The following ARGFX variants were observed in gnomAD, a reference collection of about 807,000 sequenced individuals.
ARGFX encodes arginine-fifty homeobox.
ARGFX carries 10 observed loss-of-function variants against 8.0 expected under a neutral mutation model. The ratio of observed to expected loss-of-function variants is 1.25; its 90% CI spans 0.77 to 2.12. The LOEUF is 2.12. Among genes scored for constraint, ARGFX ranks in the 30% most tolerant of loss-of-function variants. The probability of loss-of-function intolerance (pLI) is 0.00; values close to 1 mark genes in which losing one functional copy is unlikely to be tolerated. For synonymous variants in ARGFX, 116 were observed against 117.8 expected (o/e 0.98, Z 0.10); for missense variants, 282 against 324.3 (o/e 0.87, Z 1.00).
At chr3:121,568,152 T>TC (rs1372035840) in intron 1 of ARGFX, among the ~76,000 whole-genome samples, 139 bp downstream of exon 1, 15 of 152,038 alleles carry the variant, frequency 9.9e-5, no homozygotes, top group Non-Finnish European at 1.8e-4. Flanking sequence ...ATATAGATGG[T>TC]TGGGGACAGA....
At chr3:121,570,602 G>T in intron 1 of ARGFX, 100 bp from the exon 2 acceptor site, 1 of 627,648 alleles carries the variant, frequency 1.6e-6, no homozygotes, top group Non-Finnish European at 2.7e-6. Flanking sequence ...AACCTCACTT[G>T]CCAGAGGTCA....
At chr3:121,575,912 CA>C (rs1258223867) in intron 2 of ARGFX, among the ~76,000 whole-genome samples, 1 of 86,818 alleles carries the variant, frequency 1.2e-5, no homozygotes, top group Non-Finnish European at 2.5e-5. Flanking sequence ...GACTCTGTCT[CA>C]AACATTAAAA....
rs951964853 is a variant in ARGFX at position 121,589,395 on chromosome 3, A to C, written c.*2795A>C. Among the ~76,000 whole-genome samples, 6 of 152,068 alleles carry C rather than the reference A, an allele frequency of 3.9e-5. No homozygotes were observed. The highest frequency in any genetic ancestry group is 1.4e-4 in the African/African-American group (6 of 41,394). On this transcript the variant is annotated 3_prime_UTR_variant, in exon 5 of 5. Coordinates refer to ENST00000334384, the MANE Select transcript of ARGFX (RefSeq NM_001012659.2). ...TCTGTCAAATTAAACTTCAAGGCAA[A>C]ACTTTTTTATTGAGATGGAGTCTTG... is the stretch of plus-strand genomic sequence containing the variant.
Position 121,584,975 on chromosome 3 carries a change from A to G in ARGFX, c.279A>G (p.Leu93=). The G allele has an allele frequency of 6.2e-7, 1 of 1,614,012 alleles. No individual in the cohort carries two copies. The highest frequency in any genetic ancestry group is 1.1e-5 in the South Asian group (1 of 90,974). ...TSFTHQQYEE[L]EALFSQTMFP... is the part of the protein sequence containing the mutation. ...TCACCCACCAACAGTATGAGGAGCT[A>G]GAAGCTCTGTTTAGCCAGACCATGT... Residue 93 remains leucine (L), a synonymous_variant, in exon 4 of 5, where the codon CTA becomes CTG. Transcript: ENST00000334384.
At chr3:121,579,561 G>A (rs1169950177) in intron 3 of ARGFX, among the ~76,000 whole-genome samples, 3 of 152,298 alleles carry the variant, frequency 2.0e-5, no homozygotes, top group Admixed American at 2.0e-4. Context: ...CCTCTCTGTA[G>A]TCTGTATCTC....
intron 3 of ARGFX, among the ~76,000 whole-genome samples, chr3:121,581,156 T>C (rs560330121): frequency 6.6e-5 from 10 of 152,148 alleles, no homozygotes; most frequent in South Asian, 4.2e-4. Flanking sequence ...TTAGTAAAGA[T>C]GGGGTTTCGC....
chr3:121,581,116 C>T (rs1256335202), intron 3 of ARGFX, among the ~76,000 whole-genome samples: 1 of 152,054 alleles, frequency 6.6e-6, no homozygotes, highest in Non-Finnish European at 1.5e-5. Flanking sequence ...TACAGGCACA[C>T]ATCACCACTC....
At chr3:121,577,483 A>T (rs1057289779) in intron 3 of ARGFX, among the ~76,000 whole-genome samples, 2 of 151,344 alleles carry the variant, frequency 1.3e-5, no homozygotes, top group Non-Finnish European at 2.9e-5. Context: ...TGAACTCGTG[A>T]CCTCAAGTGA....
At chr3:121,575,185 T>C (rs2048729145) in intron 2 of ARGFX, among the ~76,000 whole-genome samples, 1 of 152,064 alleles carries the variant, frequency 6.6e-6, no homozygotes. Flanking sequence ...CTGAGCGTGG[T>C]GGCGTGTGCC....
At chr3:121,572,403 G>A (rs979544524) in intron 2 of ARGFX, among the ~76,000 whole-genome samples, 10 of 151,498 alleles carry the variant, frequency 6.6e-5, no homozygotes, top group East Asian at 3.9e-4. Flanking sequence ...TACCACACCC[G>A]GCTAATTTTT....
chr3:121,587,747 C>G lies in ARGFX; in HGVS notation c.*1147C>G, dbSNP rs559017347. 6.6e-6 allele frequency among the ~76,000 whole-genome samples: 1 copy of G among 152,124 alleles called. No homozygotes were observed. The highest frequency in any genetic ancestry group is 1.5e-5 in the Non-Finnish European group (1 of 68,014). ...CATCTTGGCTCACTGCAGCCTCTGC[C>G]TCCTGGGCTCAAACAGTCCTCCCAC... On this transcript the variant is annotated 3_prime_UTR_variant, in exon 5 of 5. Coordinates refer to ENST00000334384, the MANE Select transcript of ARGFX (RefSeq NM_001012659.2).
intron 3 of ARGFX, among the ~76,000 whole-genome samples, chr3:121,579,945 C>CTTTTTTTTTTTTTTTTTTTTTTTTTTTT (rs1174620508): frequency 9.8e-5 from 9 of 91,576 alleles, no homozygotes; most frequent in South Asian, 3.5e-4. Context: ...CTTTTCTTTT[C>CTTTTTTTTTTTTTTTTTTTTTTTTTTTT]TTTTTTTTTT....
intron 2 of ARGFX, among the ~76,000 whole-genome samples, chr3:121,571,952 C>T (rs71618068): frequency 0.24 from 35,663 of 151,236 alleles, 4,870 homozygotes; most frequent in Admixed American, 0.4. Context: ...CCTCAGCCTC[C>T]CGAGTAGCTG....
chr3:121,581,445 A>G (rs1356224736), intron 3 of ARGFX, among the ~76,000 whole-genome samples: 2 of 152,204 alleles, frequency 1.3e-5, no homozygotes, highest in African/African-American at 2.4e-5. Flanking sequence ...TACACTTTGC[A>G]TATCTCAGTC....
chr3:121,573,558 T>C (rs1276549358), intron 2 of ARGFX, among the ~76,000 whole-genome samples: 3 of 148,796 alleles, frequency 2.0e-5, no homozygotes, highest in Non-Finnish European at 4.5e-5. Flanking sequence ...TAATAAGGGG[T>C]TAATAGCTAT....
chr3:121,577,250 TATATATATA>T (rs1332281332), intron 3 of ARGFX, among the ~76,000 whole-genome samples: 5 of 55,308 alleles, frequency 9.0e-5, no homozygotes, highest in East Asian at 6.4e-4. Flanking sequence ...TATATATATA[TATATATATA>T]TTTTTTTTTT....
At chr3:121,581,246 T>G (rs2048778524) in intron 3 of ARGFX, among the ~76,000 whole-genome samples, 1 of 152,184 alleles carries the variant, frequency 6.6e-6, no homozygotes, top group South Asian at 2.1e-4. Context: ...TGAGCCACCA[T>G]GCCTGGCCAA....
At chr3:121,571,859 G>T (rs945452252) in intron 2 of ARGFX, among the ~76,000 whole-genome samples, 3 of 150,024 alleles carry the variant, frequency 2.0e-5, no homozygotes, top group Non-Finnish European at 4.4e-5. Flanking sequence ...TGGAGTTTCC[G>T]CTCTTGTTGC....
At chr3:121,582,162 T>C (rs2108838219) in intron 3 of ARGFX, among the ~76,000 whole-genome samples, 1 of 152,286 alleles carries the variant, frequency 6.6e-6, no homozygotes, top group South Asian at 2.1e-4. Flanking sequence ...AGTTAGGTTA[T>C]GGAAGTCACA....
Sources: allele counts gnomAD v4.1 joint callset (sites outside exome capture counted in the v4.1 genomes callset), GRCh38; gene constraint gnomAD v4.1.1; transcripts MANE v1.5; gene names NCBI Gene and HGNC (gene_info 2026-07-23, HGNC 2026-07-21).